The following IQSEC1 variants were observed in gnomAD, a reference collection of about 807,000 sequenced individuals.
IQSEC1 encodes the protein IQ motif and Sec7 domain ArfGEF 1.
A neutral mutation model predicts 91.0 loss-of-function variants in IQSEC1; 31 were observed. The ratio of observed to expected loss-of-function variants is 0.34; its 90% confidence interval spans 0.26 to 0.46. The LOEUF (loss-of-function observed/expected upper bound fraction) is 0.46, where lower values mean the gene tolerates loss of function less well. Among genes scored for constraint, IQSEC1 ranks in the 20% least tolerant of loss-of-function variants. The pLI, the probability that IQSEC1 is intolerant of heterozygous loss-of-function variation, is 1.00. For missense variants in IQSEC1, 1,388 were observed against 1,575.6 expected, an observed-to-expected ratio of 0.88 and a Z score of 2.02; for synonymous variants, 699 against 662.6, an observed-to-expected ratio of 1.05 and a Z score of -0.84.
chr3:13,095,642 A>G (rs1705941917), intron 2 of IQSEC1, among the ~76,000 whole-genome samples: 1 of 151,638 alleles, frequency 6.6e-6, no homozygotes, highest in East Asian at 1.9e-4. Context: ...GACGCTGAGG[A>G]CGCAATCACC....
chr3:13,180,526 G>A (rs895017155), intron 1 of IQSEC1, among the ~76,000 whole-genome samples: 2 of 152,144 alleles, frequency 1.3e-5, no homozygotes, highest in African/African-American at 4.8e-5. Context: ...GGCCAGATAA[G>A]AGAATAAAAG....
At chr3:12,904,913 G>T (rs753742321) in intron 12 of IQSEC1, among the ~76,000 whole-genome samples, 24 of 152,168 alleles carry the variant, frequency 1.6e-4, no homozygotes, top group Non-Finnish European at 3.1e-4. Flanking sequence ...GCCCAACTTG[G>T]GTGAACACTT....
Position 12,899,225 on chromosome 3 carries a change from C to T in IQSEC1, c.*1758G>A. 1.4e-6 allele frequency: 1 copy of T among 725,454 alleles called. No homozygotes were observed. 44.9% of individuals were successfully genotyped at this position (725,454 alleles called of 1,614,324 possible). On this transcript the variant is annotated 3_prime_UTR_variant, in exon 14 of 14. Transcript: ENST00000613206. ...CCAGCCAGCCAGCCAAGGTGACACA[C>T]AGCCAGAGGGGGCTCCCCTCTCCTC...
At chr3:13,201,126 T>A (rs1378939588) in intron 1 of IQSEC1, among the ~76,000 whole-genome samples, 1 of 152,186 alleles carries the variant, frequency 6.6e-6, no homozygotes, top group African/African-American at 2.4e-5. Context: ...CACTCTTCCA[T>A]CTGCAGCAGG....
intron 1 of IQSEC1, among the ~76,000 whole-genome samples, chr3:13,199,842 C>T (rs113636762): frequency 0.56 from 15,095 of 27,188 alleles, 1,556 homozygotes; most frequent in East Asian, 0.58. Context: ...AAGCAGCCCC[C>T]GCAAGGGAAA....
chr3:12,970,576 C>A lies in IQSEC1; in HGVS notation c.24-28711G>T, dbSNP rs1259691207. 6.6e-6 allele frequency among the ~76,000 whole-genome samples: 1 copy of A among 152,194 alleles called. No homozygotes were observed. The highest frequency in any genetic ancestry group is 1.5e-5 in the Non-Finnish European group (1 of 68,042). On this transcript the variant is annotated intron_variant, in intron 1 of 13. Coordinates refer to ENST00000613206, the MANE Select transcript of IQSEC1 (RefSeq NM_001134382.3). This position sits in a 1 kb window ranked among gnomAD's most constrained non-coding sequence, Gnocchi z 4.4. ...TCCAAGCTGTCAGGATCAAGCCCAG[C>A]CTCCCTGCACAGCCAGCCTCGTGGC...
chr3:12,922,548 C>A lies in IQSEC1; in HGVS notation c.1731-306G>T, dbSNP rs1223325646. Reference sequence around the variant, plus strand: ...ATCAAAGCCCTTCCCAAGAGACAAGCATTTTTAAGCACAGCCCTCACCAGG... The same window carrying A: ...ATCAAAGCCCTTCCCAAGAGACAAGAATTTTTAAGCACAGCCCTCACCAGG... On this transcript the variant is annotated intron_variant, in intron 4 of 13. Coordinates refer to ENST00000613206, the MANE Select transcript of IQSEC1 (RefSeq NM_001134382.3). This position sits in a 1 kb window ranked among gnomAD's most constrained non-coding sequence, Gnocchi z 5.1. 2.0e-5 allele frequency among the ~76,000 whole-genome samples: 3 copies of A among 152,180 alleles called. No individual in the cohort carries two copies. Among genetic ancestry groups the A allele is most frequent in the Non-Finnish European group, 4.4e-5 (3 of 68,030 alleles).
intron 1 of IQSEC1, among the ~76,000 whole-genome samples, chr3:13,197,662 C>G (rs1441384906): frequency 5.9e-5 from 9 of 152,198 alleles, no homozygotes; most frequent in Non-Finnish European, 8.8e-5. Context: ...AGTCAGCATC[C>G]CACCTTACGA....
chr3:12,938,664 A>G (rs77319149), intron 2 of IQSEC1, among the ~76,000 whole-genome samples: 2,138 of 152,164 alleles, frequency 0.014, 53 homozygotes, highest in African/African-American at 0.05. Flanking sequence ...CAAGGCTGGG[A>G]TCTAGGAAGC....
chr3:12,965,587 T>A (rs542915982), intron 1 of IQSEC1, among the ~76,000 whole-genome samples: 54 of 152,322 alleles, frequency 3.5e-4, no homozygotes, highest in African/African-American at 1.2e-3. Flanking sequence ...GACCTCTGCC[T>A]CATGTTCTGA....
chr3:13,198,260 C>A (rs979344573), intron 1 of IQSEC1, among the ~76,000 whole-genome samples: 2 of 152,124 alleles, frequency 1.3e-5, no homozygotes, highest in Non-Finnish European at 2.9e-5. Context: ...TGTTATGGCC[C>A]ATTTGTGGGC....
rs1700657373 is a variant in IQSEC1 at position 12,967,474 on chromosome 3, C to G, written c.24-25609G>C. ...CATGGCGGCCGCAGTGGGAGCGGGC[C>G]GGGCCGGGAGCCGGGACCCAGGCCC... On this transcript the variant is annotated intron_variant, in intron 1 of 13. Coordinates refer to ENST00000613206, the MANE Select transcript of IQSEC1 (RefSeq NM_001134382.3). The surrounding 1 kb of genome is among the most constrained non-coding windows in gnomAD (Gnocchi z 5.9). The G allele has an allele frequency of 2.0e-6, 3 of 1,503,828 alleles. No individual in the cohort carries two copies. The highest frequency in any genetic ancestry group is 1.8e-6 in the Non-Finnish European group (2 of 1,132,106). 93.2% of individuals were successfully genotyped at this position (1,503,828 alleles called of 1,614,324 possible).
rs1020490971 is a variant in IQSEC1 at position 12,897,587 on chromosome 3, C to A, written c.*3396G>T. ...CCTGTGCTCAGCACCCCCACCTCAC[C>A]CTGCTCAGTGTTGCAATGCTGCCTT... On this transcript the variant is annotated 3_prime_UTR_variant, in exon 14 of 14. Coordinates refer to ENST00000613206, the MANE Select transcript of IQSEC1 (RefSeq NM_001134382.3). 3 of 152,230 alleles carry A rather than the reference C, an allele frequency of 2.0e-5. No individual in the cohort carries two copies. Among genetic ancestry groups the A allele is most frequent in the African/African-American group, 4.8e-5 (2 of 41,432 alleles). 9.4% of individuals were successfully genotyped at this position (152,230 alleles called of 1,614,324 possible).
rs1266785984 is a variant in IQSEC1, at chr3:13,008,870, T to C, written c.23+64122A>G. On this transcript the variant is annotated intron_variant, in intron 1 of 13. Coordinates refer to ENST00000613206, the MANE Select transcript of IQSEC1 (RefSeq NM_001134382.3). This position sits in a 1 kb window ranked among gnomAD's most constrained non-coding sequence, Gnocchi z 4.1. ...CGCTGGCAAACCCCATCCCACGGGC[T>C]AGGCTTTCAGTTAACCCTCTCATTC... is the stretch of plus-strand genomic sequence containing the variant. Among the ~76,000 whole-genome samples the C allele has an allele frequency of 6.6e-6, 1 of 152,232 alleles. No homozygotes were observed. Among genetic ancestry groups the C allele is most frequent in the Non-Finnish European group, 1.5e-5 (1 of 68,038 alleles).
At chr3:13,052,839 G>A (rs1389417521) in intron 1 of IQSEC1, 1 of 640,650 alleles carries the variant, frequency 1.6e-6, no homozygotes, top group East Asian at 2.6e-5. Context: ...CATATTCAGA[G>A]AGAAAAATAT....
intron 1 of IQSEC1, among the ~76,000 whole-genome samples, chr3:13,003,714 T>C (rs1702521706): frequency 6.6e-6 from 1 of 152,200 alleles, no homozygotes; most frequent in South Asian, 2.1e-4. Flanking sequence ...AAAAAGGACA[T>C]TACTGGGACA....
intron 2 of IQSEC1, among the ~76,000 whole-genome samples, chr3:13,145,992 T>C (rs778105869): frequency 2.6e-5 from 4 of 152,034 alleles, no homozygotes; most frequent in Non-Finnish European, 5.9e-5. Context: ...TTATGTTGTT[T>C]TTATTTTTAT....
intron 1 of IQSEC1, among the ~76,000 whole-genome samples, chr3:13,176,239 C>T (rs974886675): frequency 6.6e-6 from 1 of 152,202 alleles, no homozygotes; most frequent in Non-Finnish European, 1.5e-5. Context: ...ATAGCCCCCA[C>T]CCTGAACTTG....
intron 2 of IQSEC1, among the ~76,000 whole-genome samples, chr3:13,096,075 G>A (rs540346943): frequency 9.9e-5 from 15 of 152,186 alleles, no homozygotes; most frequent in South Asian, 4.1e-4. Context: ...GGGCTGCTAT[G>A]AGGCAGAGAA....
Sources: allele counts gnomAD v4.1 joint callset (sites outside exome capture counted in the v4.1 genomes callset), GRCh38; gene constraint gnomAD v4.1.1; non-coding constraint Gnocchi (gnomAD v3.1); transcripts MANE v1.5; gene names NCBI Gene and HGNC (gene_info 2026-07-23, HGNC 2026-07-21).